LOC128125817: variants seen among roughly 807,000 people sequenced by gnomAD.
At chr1:41,599,928 A>T in the LOC128125817 span, among the ~76,000 whole-genome samples, 1 of 152,214 alleles carries the variant, frequency 6.6e-6, no homozygotes, top group Admixed American at 6.5e-5. Context: ...ACGTTTCTCC[A>T]AAGAAGATCT....
At chr1:41,628,744 C>T in the LOC128125817 span, 1 of 1,232,178 alleles carries the variant, frequency 8.1e-7, no homozygotes, top group South Asian at 4.1e-5. Flanking sequence ...GCCCCCATTT[C>T]CTACCTGTGC....
the LOC128125817 span, among the ~76,000 whole-genome samples, chr1:41,586,872 A>C: frequency 3.9e-5 from 6 of 152,308 alleles, no homozygotes; most frequent in South Asian, 6.2e-4. Context: ...TAGAAGAATG[A>C]CAAACTATAA....
chr1:41,625,040 G>A, the LOC128125817 span, among the ~76,000 whole-genome samples: 1 of 151,984 alleles, frequency 6.6e-6, no homozygotes, highest in Non-Finnish European at 1.5e-5. Context: ...GCATGCGCCT[G>A]TAAGCCCAGC....
chr1:41,596,797 C>A, the LOC128125817 span, among the ~76,000 whole-genome samples: 1 of 152,106 alleles, frequency 6.6e-6, no homozygotes, highest in African/African-American at 2.4e-5. Context: ...CCCCCAAGGG[C>A]CCTGATCTTG....
At chr1:41,585,424 C>T in the LOC128125817 span, 2 of 398,152 alleles carry the variant, frequency 5.0e-6, no homozygotes, top group Admixed American at 8.8e-5. Flanking sequence ...GGTGCCACAC[C>T]TGGCTGAGAC....
At chr1:41,591,940 TC>T in the LOC128125817 span, among the ~76,000 whole-genome samples, 1 of 151,740 alleles carries the variant, frequency 6.6e-6, no homozygotes. Flanking sequence ...CATTTCTGAG[TC>T]CTCCGATCTG....
At chr1:41,620,081 G>T in the LOC128125817 span, among the ~76,000 whole-genome samples, 1 of 152,180 alleles carries the variant, frequency 6.6e-6, no homozygotes, top group African/African-American at 2.4e-5. Context: ...AAGGGGGAAA[G>T]GTGCTAAGGC....
At chr1:41,608,341 G>A in the LOC128125817 span, among the ~76,000 whole-genome samples, 1 of 152,228 alleles carries the variant, frequency 6.6e-6, no homozygotes, top group Non-Finnish European at 1.5e-5. Flanking sequence ...AGACGGAGCT[G>A]CCAATCCTTC....
the LOC128125817 span, among the ~76,000 whole-genome samples, chr1:41,621,857 A>G: frequency 0.011 from 1,663 of 152,166 alleles, 36 homozygotes; most frequent in African/African-American, 0.038. Flanking sequence ...ACTTGGAAAG[A>G]CTTCCTGACC....
the LOC128125817 span, among the ~76,000 whole-genome samples, chr1:41,607,365 T>G: frequency 6.6e-6 from 1 of 152,240 alleles, no homozygotes; most frequent in African/African-American, 2.4e-5. Context: ...ATTGTGTTAT[T>G]CAGTTTTTCC....
the LOC128125817 span, among the ~76,000 whole-genome samples, chr1:41,620,441 GC>G: frequency 6.6e-6 from 1 of 152,012 alleles, no homozygotes; most frequent in African/African-American, 2.4e-5. Flanking sequence ...CTCCTGTCCT[GC>G]CCTACCTCTC....
the LOC128125817 span, among the ~76,000 whole-genome samples, chr1:41,621,015 G>A: frequency 6.6e-6 from 1 of 152,206 alleles, no homozygotes. Flanking sequence ...GTAATTGACA[G>A]TGTGACCCTG....
the LOC128125817 span, among the ~76,000 whole-genome samples, chr1:41,620,004 C>CA: frequency 6.6e-6 from 1 of 152,132 alleles, no homozygotes; most frequent in Non-Finnish European, 1.5e-5. Context: ...ACAGGCTCTG[C>CA]AGGGGTTTGG....
At chr1:41,612,614 G>C in the LOC128125817 span, among the ~76,000 whole-genome samples, 1 of 152,208 alleles carries the variant, frequency 6.6e-6, no homozygotes, top group South Asian at 2.1e-4. Flanking sequence ...TCCGTCCCAT[G>C]GTTCTCAAGG....
the LOC128125817 span, among the ~76,000 whole-genome samples, chr1:41,624,891 C>T: frequency 3.3e-5 from 5 of 152,276 alleles, no homozygotes; most frequent in Admixed American, 1.3e-4. Flanking sequence ...CTTGGCCAGG[C>T]GCGGTGGCTC....
At chr1:41,598,525 C>T in the LOC128125817 span, among the ~76,000 whole-genome samples, 10 of 152,230 alleles carry the variant, frequency 6.6e-5, no homozygotes, top group Non-Finnish European at 1.3e-4. Context: ...TTCTGTCATT[C>T]TTGCCCACAT....
At chr1:41,586,044 C>T in the LOC128125817 span, among the ~76,000 whole-genome samples, 53 of 152,226 alleles carry the variant, frequency 3.5e-4, no homozygotes, top group Non-Finnish European at 6.3e-4. Context: ...TCTGACACAG[C>T]TGTGACCATT....
chr1:41,586,636 T>A, the LOC128125817 span, among the ~76,000 whole-genome samples: 1 of 152,054 alleles, frequency 6.6e-6, no homozygotes, highest in Non-Finnish European at 1.5e-5. Flanking sequence ...GACTTGAAAA[T>A]GCCACTTACT....
At chr1:41,626,499 C>T in the LOC128125817 span, among the ~76,000 whole-genome samples, 14 of 152,246 alleles carry the variant, frequency 9.2e-5, no homozygotes, top group African/African-American at 1.4e-4. Flanking sequence ...GGGCACGAAG[C>T]GGGGGGAGGG....
Sources: allele counts gnomAD v4.1 joint callset (sites outside exome capture counted in the v4.1 genomes callset), GRCh38; gene constraint gnomAD v4.1.1; transcripts MANE v1.5.